PRR33: variants seen among roughly 807,000 people sequenced by gnomAD.
The protein encoded by PRR33 is proline-rich protein 33.
PRR33 carries 1 observed loss-of-function variant against 0.5 expected under a neutral mutation model. The observed-to-expected ratio is 2.18, with a 90% CI of 0.77 to 10.34. The LOEUF is 10.34. Ranked by LOEUF, PRR33 falls within the 30% of genes most tolerant of loss-of-function variation. PRR33 has a pLI of 0.13. For synonymous variants in PRR33, 226 were observed against 110.0 expected (o/e 2.06, Z -6.60); for missense variants, 552 against 251.8 (o/e 2.19, Z -8.07).
the PRR33 span, among the ~76,000 whole-genome samples, chr11:1,915,245 T>G: frequency 6.8e-6 from 1 of 146,392 alleles, no homozygotes; most frequent in African/African-American, 2.6e-5. Flanking sequence ...GGGATGATAT[T>G]GCTATGTGTG....
At chr11:1,914,651 T>C in the PRR33 span, among the ~76,000 whole-genome samples, 1 of 140,058 alleles carries the variant, frequency 7.1e-6, no homozygotes, top group Non-Finnish European at 1.5e-5. Flanking sequence ...GTGTGTGTTG[T>C]GGGGTGTACA....
chr11:1,913,143 T>C, the PRR33 span, among the ~76,000 whole-genome samples: 6 of 150,874 alleles, frequency 4.0e-5, no homozygotes, highest in East Asian at 1.2e-3. Context: ...CTCCTTTCTT[T>C]TTTTTGAGAT....
chr11:1,896,001 C>A (rs1292370785), upstream of PRR33, among the ~76,000 whole-genome samples: 3 of 152,118 alleles, frequency 2.0e-5, no homozygotes, highest in Non-Finnish European at 2.9e-5. Context: ...GAGTGAGACC[C>A]TGCCTGAAAA....
chr11:1,889,229 G>T, exon 1 of PRR33: 1 of 674,794 alleles, frequency 1.5e-6, no homozygotes, highest in Admixed American at 2.2e-5. Context: ...CTGTGGGAGG[G>T]GGCCGGGTGG....
chr11:1,900,351 CA>C, the PRR33 span, among the ~76,000 whole-genome samples: 1 of 152,154 alleles, frequency 6.6e-6, no homozygotes, highest in African/African-American at 2.4e-5. Context: ...GAAAAGCTGG[CA>C]AAGTGTTTTC....
the PRR33 span, among the ~76,000 whole-genome samples, chr11:1,903,483 G>T: frequency 6.6e-6 from 1 of 152,176 alleles, no homozygotes; most frequent in Non-Finnish European, 1.5e-5. Flanking sequence ...AAAAGAGGGA[G>T]TAAAAATACT....
chr11:1,898,275 G>T, the PRR33 span, among the ~76,000 whole-genome samples: 1 of 151,842 alleles, frequency 6.6e-6, no homozygotes, highest in Non-Finnish European at 1.5e-5. Context: ...CGCTCCGTCG[G>T]CTGGAGTGCA....
Position 1,889,422 on chromosome 11 carries a change from G to C in PRR33, c.1163C>G (p.Thr388Ser), listed in dbSNP as rs1449846643. The change falls in exon 1 of 1, where the codon ACC (threonine) becomes AGC (serine). Residue 388 changes from threonine (T) to serine (S), a missense_variant. Physicochemically the swap from Thr to Ser is moderately conservative, Grantham distance 58 (BLOSUM62 1). Coordinates refer to ENST00000640310, the Ensembl canonical transcript of PRR33. ...CCGGGAGGCGGGGGCCCGGGGTGCG[G>C]TGAGGGCGGGCACCTCCTGCTCTGT... 1.6e-5 allele frequency: 11 copies of C among 673,484 alleles called. 1 individual carries two copies. The South Asian group carries it at 1.8e-4, about 11-fold the overall frequency. 41.7% of individuals were successfully genotyped at this position (673,484 alleles called of 1,614,324 possible).
At chr11:1,915,522 G>C in the PRR33 span, among the ~76,000 whole-genome samples, 1 of 120,702 alleles carries the variant, frequency 8.3e-6, no homozygotes, top group African/African-American at 3.3e-5. Context: ...TCACACACCT[G>C]GGATGTTTCT....
exon 1 of PRR33, chr11:1,890,080 G>A: frequency 1.4e-6 from 1 of 715,392 alleles, no homozygotes; most frequent in Non-Finnish European, 2.6e-6. Context: ...CCAGAGACAG[G>A]GACGAAGCCA....
exon 1 of PRR33, chr11:1,889,717 C>T (rs1177009476): frequency 3.1e-6 from 2 of 650,816 alleles, no homozygotes. Flanking sequence ...TGCTCTCTGC[C>T]AGGGCCCATG....
At chr11:1,890,416 C>T (rs868443930) in exon 1 of PRR33, 16 of 717,180 alleles carry the variant, frequency 2.2e-5, no homozygotes, top group Admixed American at 8.0e-5. Context: ...CTGGGTGGAG[C>T]GAGGTGTGTG....
chr11:1,906,130 T>C, the PRR33 span, among the ~76,000 whole-genome samples: 6 of 152,100 alleles, frequency 3.9e-5, no homozygotes, highest in Non-Finnish European at 8.8e-5. Context: ...ATGGCCCCTC[T>C]GCTTCTTAAT....
At chr11:1,888,255 G>A (rs1848838492) in exon 1 of PRR33, among the ~76,000 whole-genome samples, 1 of 152,252 alleles carries the variant, frequency 6.6e-6, no homozygotes, top group African/African-American at 2.4e-5. Context: ...CCTGTGGTTG[G>A]CCACCCCCAC....
At chr11:1,895,602 T>C (rs965166842), upstream of PRR33, among the ~76,000 whole-genome samples, 1 of 152,358 alleles carries the variant, frequency 6.6e-6, no homozygotes, top group South Asian at 2.1e-4. Flanking sequence ...TTTGGTATCA[T>C]GTCTGAGAAA....
At chr11:1,908,353 G>A in the PRR33 span, among the ~76,000 whole-genome samples, 1 of 115,038 alleles carries the variant, frequency 8.7e-6, no homozygotes, top group Non-Finnish European at 1.6e-5. Flanking sequence ...CTAGAATGTT[G>A]GCTGAAAATC....
chr11:1,902,034 C>T, the PRR33 span, among the ~76,000 whole-genome samples: 1 of 152,100 alleles, frequency 6.6e-6, no homozygotes, highest in Non-Finnish European at 1.5e-5. Context: ...AGATCGAGAC[C>T]ATCCTGGCTA....
chr11:1,896,693 A>G (rs1436868482), upstream of PRR33, among the ~76,000 whole-genome samples: 1 of 152,186 alleles, frequency 6.6e-6, no homozygotes, highest in Non-Finnish European at 1.5e-5. Context: ...GGAGGTGATG[A>G]GGGCGGACAT....
At chr11:1,895,400 T>G (rs1319248429), upstream of PRR33, among the ~76,000 whole-genome samples, 10 of 152,358 alleles carry the variant, frequency 6.6e-5, no homozygotes, top group Non-Finnish European at 1.5e-5. Flanking sequence ...CCCAAAGTGC[T>G]GGGATTACAG....
Sources: gnomAD v4.1 joint callset for allele counts (sites outside exome capture counted in the v4.1 genomes callset) on GRCh38, gnomAD v4.1.1 for gene constraint, MANE v1.5 for transcripts, NCBI Gene and HGNC (gene_info 2026-07-23, HGNC 2026-07-21) for gene names.